FGFBP1: variants seen among roughly 807,000 people sequenced by gnomAD.
FGFBP1 encodes fibroblast growth factor-binding protein 1.
In FGFBP1, 12 loss-of-function variants were observed where a neutral mutation model predicts 14.6. That is an observed-to-expected ratio of 0.82 (90% CI 0.53 to 1.33). FGFBP1 has a LOEUF of 1.33. Ranked by LOEUF, FGFBP1 falls within the 40% of genes most tolerant of loss-of-function variation. The probability of loss-of-function intolerance (pLI) is 0.00; values close to 1 mark genes in which losing one functional copy is unlikely to be tolerated. For synonymous variants in FGFBP1, 117 were observed against 105.0 expected (o/e 1.11, Z -0.70); for missense variants, 317 against 271.8 (o/e 1.17, Z -1.17).
At chr4:15,937,795 C>T (rs1042631576) in intron 2 of FGFBP1, among the ~76,000 whole-genome samples, 37 of 152,206 alleles carry the variant, frequency 2.4e-4, no homozygotes, top group African/African-American at 8.0e-4. Context: ...CTTTCTGTCA[C>T]CCCTGGTTGA....
At position 15,936,243 on chromosome 4, in the gene FGFBP1, G is replaced by A; in HGVS notation, c.390C>T (p.Ser130=). 6.2e-7 allele frequency: 1 copy of A among 1,614,162 alleles called. No individual in the cohort carries two copies. The highest frequency in any genetic ancestry group is 1.7e-5 in the Admixed American group (1 of 60,024). Residue 130 remains serine, a synonymous_variant, in exon 3 of 3, where the codon TCC becomes TCT. Transcript: ENST00000382333. ...LRSQKDICRY[S]KTAVKTRVCR... The stretch of plus-strand genomic sequence containing the variant: ...ACACTCTGGTTTTCACAGCTGTCTT[G>A]GAATATCTACAGATGTCTTTCTGTG...
chr4:15,935,818 T>C lies in FGFBP1; in HGVS notation c.*110A>G. The C allele has an allele frequency of 1.5e-6, 1 of 655,478 alleles. No homozygotes were observed. The allele number at this position is 655,478 out of a possible 1,614,324, so 40.6% of individuals were successfully genotyped here. A position where few individuals can be genotyped will look rare whatever the true frequency, so the allele number is the denominator to read the frequency against. ...AACTTGTTTAAATATTTCGTTGCAC[T>C]CACTAAGCACAAAAGTTCATATTTT... is the stretch of plus-strand genomic sequence containing the variant. On this transcript the variant is annotated 3_prime_UTR_variant, in exon 3 of 3. Coordinates refer to ENST00000382333, the MANE Select transcript of FGFBP1 (RefSeq NM_005130.5).
In FGFBP1 at chr4:15,935,871, T is replaced by C. The variant is rs538223029; in HGVS notation, c.*57A>G. 1.9e-5 allele frequency: 22 copies of C among 1,165,338 alleles called. No homozygotes were observed. Among genetic ancestry groups the C allele is most frequent in the Non-Finnish European group, 2.6e-5 (21 of 814,092 alleles). 72.2% of individuals were successfully genotyped at this position (1,165,338 alleles called of 1,614,324 possible). ...GGGGACTGTAGAGAGCTTTAAAGTA[T>C]ACAGAGGGACTTACGACATGACATC... On this transcript the variant is annotated 3_prime_UTR_variant, in exon 3 of 3. Transcript: ENST00000382333.
chr4:15,936,299 A>G lies in FGFBP1; in HGVS notation c.334T>C (p.Tyr112His). The G allele has an allele frequency of 1.2e-6, 2 of 1,614,190 alleles. No homozygotes were observed. Among genetic ancestry groups the G allele is most frequent in the African/African-American group, 2.7e-5 (2 of 75,046 alleles). The change falls in exon 3 of 3, where the codon TAT becomes CAT. Residue 112 changes from tyrosine (Y) to histidine (H), a missense_variant. Transcript: ENST00000382333. ...AGATTCCGGGCAACTTGTTTCCAAT[A>G]GACTCTCTCATCCTTGAGCTTTAGG... ...SCLKLKDERV[Y>H]WKQVARNLRS...
In FGFBP1 at chr4:15,936,668, C is replaced by T. The variant is rs1216594424; in HGVS notation, c.-20-16G>A. ...GGGCGTTCACCTGTTTGACAAAAGG[C>T]AAGTGAGTCAGTGGCAGGCAGCAGT... On this transcript the variant is annotated splice_polypyrimidine_tract_variant and intron_variant, in intron 2 of 2. Coordinates refer to ENST00000382333, the MANE Select transcript of FGFBP1 (RefSeq NM_005130.5). 3 of 1,503,740 alleles carry T rather than the reference C, an allele frequency of 2.0e-6. No homozygotes were observed. In the Admixed American group the frequency reaches 5.3e-5, roughly 26 times the overall value. 93.1% of individuals were successfully genotyped at this position (1,503,740 alleles called of 1,614,324 possible).
At chr4:15,937,957 A>AT (rs1433492542) in intron 2 of FGFBP1, among the ~76,000 whole-genome samples, 3 of 152,234 alleles carry the variant, frequency 2.0e-5, no homozygotes, top group Non-Finnish European at 4.4e-5. Flanking sequence ...AAAACACAGA[A>AT]TTTTTTATAA....
At position 15,936,465 on chromosome 4, in the gene FGFBP1, G is replaced by T. The variant is rs1337592401; in HGVS notation, c.168C>A (p.Asn56Lys). 2.5e-6 allele frequency: 4 copies of T among 1,614,054 alleles called. No homozygotes were observed. The highest frequency in any genetic ancestry group is 3.4e-6 in the Non-Finnish European group (4 of 1,180,046). ...TQIKQKSRPG[N>K]KGKFVTKDQA... is the part of the protein sequence containing the mutation. The stretch of plus-strand genomic sequence containing the variant: ...GGTCTTTGGTGACAAACTTGCCTTT[G>T]TTCCCGGGCCTGCTTTTCTGCTTAA... The change falls in exon 3 of 3, where the codon AAC becomes AAA. Residue 56 changes from asparagine (N) to lysine (K), a missense_variant. Coordinates refer to ENST00000382333, the MANE Select transcript of FGFBP1 (RefSeq NM_005130.5).
chr4:15,935,904 G>A lies in FGFBP1; in HGVS notation c.*24C>T. 2 of 1,471,994 alleles carry A rather than the reference G, an allele frequency of 1.4e-6. No homozygotes were observed. The highest frequency in any genetic ancestry group is 1.9e-6 in the Non-Finnish European group (2 of 1,079,614). The allele number at this position is 1,471,994 out of a possible 1,614,324, so 91.2% of individuals were successfully genotyped here. On this transcript the variant is annotated 3_prime_UTR_variant, in exon 3 of 3. Transcript: ENST00000382333. ...GACTTACGACATGACATCTCTTAAGGGAACCCGTTCTCTTTTGACCTCATT... is the reference window on the plus strand; with the variant it reads ...GACTTACGACATGACATCTCTTAAGAGAACCCGTTCTCTTTTGACCTCATT...
chr4:15,938,385 A>G lies in FGFBP1; in HGVS notation c.-155T>C, dbSNP rs1252991514. The G allele has an allele frequency of 6.6e-6, 1 of 152,298 alleles. No homozygotes were observed. Among genetic ancestry groups the G allele is most frequent in the Non-Finnish European group, 1.5e-5 (1 of 68,138 alleles). 9.4% of individuals were successfully genotyped at this position (152,298 alleles called of 1,614,324 possible). ...GGCTGACTGGGTTTTTATAACACTC[A>G]CTGGGTTTTTACAACACTGTGGCAC... On this transcript the variant is annotated 5_prime_UTR_variant, in exon 2 of 3. Transcript: ENST00000382333.
rs1712475993 is a variant in FGFBP1, at chr4:15,936,185, G to C, written c.448C>G (p.Leu150Val). The change falls in exon 3 of 3, where the codon CTA (leucine) becomes GTA (valine). Residue 150 changes from leucine (L) to valine (V), a missense_variant. By Grantham distance (32) the Leu-to-Val change is conservative. Transcript: ENST00000382333. ...RKDFPESSLK[L>V]VSSTLFGNTK... ...TTCCCAAATAGAGTGGAGCTGACTA[G>C]CTTAAGACTGGATTCTGGAAAATCC... 1 of 1,614,154 alleles carries C rather than the reference G, an allele frequency of 6.2e-7. No homozygotes were observed. The highest frequency in any genetic ancestry group is 1.3e-5 in the African/African-American group (1 of 75,048).
At position 15,936,319 on chromosome 4, in the gene FGFBP1, T is replaced by A. The variant is rs1712485717; in HGVS notation, c.314A>T (p.Lys105Met). The A allele has an allele frequency of 6.2e-7, 1 of 1,614,232 alleles. No individual in the cohort carries two copies. The highest frequency in any genetic ancestry group is 8.5e-7 in the Non-Finnish European group (1 of 1,180,026). Reference sequence around the variant, plus strand: ...CCAATAGACTCTCTCATCCTTGAGCTTTAGGCATGAGGTTGGATTGCCAGC... The same window carrying A: ...CCAATAGACTCTCTCATCCTTGAGCATTAGGCATGAGGTTGGATTGCCAGC... ...VFAGNPTSCL[K>M]LKDERVYWKQ... is the part of the protein sequence containing the mutation. Residue 105 changes from lysine to methionine, a missense_variant, in exon 3 of 3, where the codon AAG (lysine) becomes ATG (methionine). Coordinates refer to ENST00000382333, the MANE Select transcript of FGFBP1 (RefSeq NM_005130.5).
rs756738231 is a variant in FGFBP1 at position 15,936,514 on chromosome 4, T to G, written c.119A>C (p.Lys40Thr). 7 of 1,614,174 alleles carry G rather than the reference T, an allele frequency of 4.3e-6. No homozygotes were observed. The Admixed American group carries it at 1.2e-4, about 27-fold the overall frequency. The change falls in exon 3 of 3, where the codon AAG becomes ACG. Residue 40 changes from lysine to threonine, a missense_variant. By Grantham distance (78) the Lys-to-Thr change is moderately conservative. Transcript: ENST00000382333. The part of the protein sequence containing the change: ...GLHSKVVSEQ[K>T]DTLGNTQIKQ... ...AATCTGGGTGTTGCCCAGAGTGTCC[T>G]TTTGTTCTGAGACCACTTTGCTGTG...
At chr4:15,937,285 G>A (rs1194669888) in intron 2 of FGFBP1, among the ~76,000 whole-genome samples, 1 of 143,918 alleles carries the variant, frequency 6.9e-6, no homozygotes, top group Non-Finnish European at 1.5e-5. Flanking sequence ...AACATGCCTG[G>A]GGTTTGGGTG....
In FGFBP1 at chr4:15,936,073, G is replaced by T; in HGVS notation, c.560C>A (p.Thr187Asn). Residue 187 changes from threonine to asparagine, a missense_variant, in exon 3 of 3, where the codon ACC becomes AAC. Physicochemically the swap from Thr to Asn is moderately conservative, Grantham distance 65. Transcript: ENST00000382333. ...GGGAGCTTTGGTGGCCATGGTCTGG[G>T]TCACTGCTAGGCTAGAGGGGGTGGT... ...KETTPSSLAV[T>N]QTMATKAPEC... The T allele has an allele frequency of 1.2e-6, 2 of 1,614,104 alleles. No individual in the cohort carries two copies. The highest frequency in any genetic ancestry group is 1.7e-6 in the Non-Finnish European group (2 of 1,179,994).
Position 15,936,554 on chromosome 4 carries a change from C to CA in FGFBP1, c.78_79insT (p.Val27CysfsTer23), listed in dbSNP as rs1712499745. 7 of 1,607,440 alleles carry CA rather than the reference C, an allele frequency of 4.4e-6. No homozygotes were observed. The East Asian group carries it at 1.3e-4, about 31-fold the overall frequency. ...ACTTTGCTGTGAAGTCCATTCTTCACTTTTTTTTTCCCCTCCACCAGGAGC... is the reference window on the plus strand; with the variant it reads ...ACTTTGCTGTGAAGTCCATTCTTCACATTTTTTTTTCCCCTCCACCAGGAGC... On this transcript the variant is annotated frameshift_variant, in exon 3 of 3. Coordinates refer to ENST00000382333, the MANE Select transcript of FGFBP1 (RefSeq NM_005130.5). LOFTEE classifies it high-confidence loss of function.
chr4:15,937,809 C>G (rs1229611142), intron 2 of FGFBP1, among the ~76,000 whole-genome samples: 1 of 152,200 alleles, frequency 6.6e-6, no homozygotes. Flanking sequence ...TGGTTGATCA[C>G]TTTTTGCTTT....
chr4:15,938,064 C>G (rs1368642441), intron 2 of FGFBP1, among the ~76,000 whole-genome samples, 187 bp downstream of exon 2: 1 of 152,044 alleles, frequency 6.6e-6, no homozygotes, highest in Non-Finnish European at 1.5e-5. Context: ...CACAAAAGGG[C>G]AGAGAACAGC....
Position 15,936,180 on chromosome 4 carries a change from G to A in FGFBP1, c.453C>T (p.Val151=). 6 of 1,614,134 alleles carry A rather than the reference G, an allele frequency of 3.7e-6. No individual in the cohort carries two copies. The highest frequency in any genetic ancestry group is 5.1e-6 in the Non-Finnish European group (6 of 1,179,998). The change falls in exon 3 of 3, where the codon GTC becomes GTT. Residue 151 remains valine, a synonymous_variant. Coordinates refer to ENST00000382333, the MANE Select transcript of FGFBP1 (RefSeq NM_005130.5). ...TTGTGTTCCCAAATAGAGTGGAGCT[G>A]ACTAGCTTAAGACTGGATTCTGGAA... ...KDFPESSLKL[V]SSTLFGNTKP... is the part of the protein sequence containing the mutation.
rs1712545236 is a variant in FGFBP1 at position 15,938,325 on chromosome 4, G to T, written c.-95C>A. 1 of 152,378 alleles carries T rather than the reference G, an allele frequency of 6.6e-6. No individual in the cohort carries two copies. The highest frequency in any genetic ancestry group is 6.5e-5 in the Admixed American group (1 of 15,284). 9.4% of individuals were successfully genotyped at this position (152,378 alleles called of 1,614,324 possible). ...TTGCAGGCTGCAGCTGTGTCAGGTAGAGTGCAAGGGGGGTAGACTATTCAA... is the reference window on the plus strand; with the variant it reads ...TTGCAGGCTGCAGCTGTGTCAGGTATAGTGCAAGGGGGGTAGACTATTCAA... On this transcript the variant is annotated 5_prime_UTR_variant, in exon 2 of 3. Coordinates refer to ENST00000382333, the MANE Select transcript of FGFBP1 (RefSeq NM_005130.5).
Sources: gnomAD v4.1 joint callset for allele counts (sites outside exome capture counted in the v4.1 genomes callset) on GRCh38, gnomAD v4.1.1 for gene constraint, MANE v1.5 for transcripts, NCBI Gene and HGNC (gene_info 2026-07-23, HGNC 2026-07-21) for gene names.